TBC1D2: variants seen among roughly 807,000 people sequenced by gnomAD.
TBC1D2 encodes TBC1 domain family member 2, also known as TBC1 domain family member 2A.
In TBC1D2, 58 loss-of-function variants were observed where a neutral mutation model predicts 91.1. The ratio of observed to expected loss-of-function variants is 0.64; its 90% CI spans 0.52 to 0.79. The LOEUF is 0.79. Among genes scored for constraint, TBC1D2 ranks in the 30% least tolerant of loss-of-function variants. The pLI is 0.00. For missense variants in TBC1D2, 1,080 were observed against 1,208.3 expected, an observed-to-expected ratio of 0.89 and a Z score of 1.57; for synonymous variants, 482 against 511.5, an observed-to-expected ratio of 0.94 and a Z score of 0.78.
At chr9:98,244,234 T>G (rs558629227) in intron 2 of TBC1D2, 105 bp from the exon 3 acceptor site, 2 of 1,482,376 alleles carry the variant, frequency 1.3e-6, no homozygotes, top group Non-Finnish European at 1.8e-6. Context: ...CAGGCTGGAG[T>G]TGGAGAGTTG....
chr9:98,207,659 C>G (rs1250879668), intron 9 of TBC1D2, among the ~76,000 whole-genome samples: 6 of 152,232 alleles, frequency 3.9e-5, no homozygotes. Flanking sequence ...GCTGAGGTCT[C>G]CATTCTAACA....
Position 98,233,447 on chromosome 9 carries a change from C to T in TBC1D2, c.750G>A (p.Glu250=). The T allele has an allele frequency of 6.2e-7, 1 of 1,614,130 alleles. No individual in the cohort carries two copies. Among genetic ancestry groups the T allele is most frequent in the Non-Finnish European group, 8.5e-7 (1 of 1,179,984 alleles). The part of the protein sequence containing the change: ...SPQSGEPQRE[E]QPLASDASTP... ...TGCTGGCGTCAGAGGCCAAGGGCTG[C>T]TCCTCCCTCTGAGGCTCCCCACTCT... Residue 250 remains glutamate (E), a synonymous_variant, in exon 4 of 13, where the codon GAG becomes GAA. Transcript: ENST00000465784.
chr9:98,244,264 C>G (rs560841546), intron 2 of TBC1D2, 135 bp from the exon 3 acceptor site: 15 of 1,168,634 alleles, frequency 1.3e-5, no homozygotes, highest in Non-Finnish European at 1.8e-5. Context: ...GCAGGCCCTC[C>G]CTGTAGGTTA....
At chr9:98,246,786 G>A (rs1457319112) in intron 2 of TBC1D2, among the ~76,000 whole-genome samples, 2 of 152,082 alleles carry the variant, frequency 1.3e-5, no homozygotes, top group Non-Finnish European at 2.9e-5. Context: ...CAAGCATACA[G>A]GCAACAGTAA....
intron 5 of TBC1D2, among the ~76,000 whole-genome samples, chr9:98,226,092 G>A (rs899827261): frequency 2.0e-5 from 3 of 152,210 alleles, no homozygotes; most frequent in Non-Finnish European, 4.4e-5. Flanking sequence ...GCGGCATTCT[G>A]AGTGCCTGGG....
At chr9:98,238,553 C>A (rs990226605) in intron 3 of TBC1D2, among the ~76,000 whole-genome samples, 3 of 136,784 alleles carry the variant, frequency 2.2e-5, no homozygotes, top group Admixed American at 6.7e-5. Context: ...TTTTTCCTTC[C>A]CAATCTGGAT....
intron 3 of TBC1D2, chr9:98,235,256 T>TAGG (rs919646874): frequency 1.2e-4 from 36 of 312,960 alleles, no homozygotes; most frequent in South Asian, 3.9e-4. Context: ...TCGGAGCATG[T>TAGG]AGGAACTATA....
chr9:98,220,770 C>T, intron 6 of TBC1D2, 63 bp downstream of exon 6: 3 of 1,584,426 alleles, frequency 1.9e-6, no homozygotes, highest in Non-Finnish European at 2.6e-6. Flanking sequence ...GGAGAGCGCA[C>T]CTTCCCTGAG....
chr9:98,248,867 C>T (rs370247974), intron 2 of TBC1D2, among the ~76,000 whole-genome samples: 3 of 152,264 alleles, frequency 2.0e-5, no homozygotes, highest in South Asian at 4.1e-4. Flanking sequence ...CTTGGCTCTG[C>T]GGAGACCGTT....
Position 98,255,570 on chromosome 9 carries a change from G to C in TBC1D2, c.-29C>G, listed in dbSNP as rs1381550109. ...TGCCAGCCGGAGACTGCGGAGGGAC[G>C]AGGGGTCCGCGGGACCACCAGGGAC... On this transcript the variant is annotated 5_prime_UTR_variant, in exon 1 of 13. Transcript: ENST00000465784. 4.0e-6 allele frequency: 6 copies of C among 1,481,572 alleles called. No individual in the cohort carries two copies. The highest frequency in any genetic ancestry group is 5.4e-6 in the Non-Finnish European group (6 of 1,120,064). 91.8% of individuals were successfully genotyped at this position (1,481,572 alleles called of 1,614,324 possible). A position where few individuals can be genotyped will look rare whatever the true frequency, so the allele number is the denominator to read the frequency against.
At position 98,228,875 on chromosome 9, in the gene TBC1D2, C is replaced by T; in HGVS notation, c.978+77G>A. 7.0e-7 allele frequency: 1 copy of T among 1,429,458 alleles called. No individual in the cohort carries two copies. Among genetic ancestry groups the T allele is most frequent in the Non-Finnish European group, 9.6e-7 (1 of 1,038,150 alleles). The allele number at this position is 1,429,458 out of a possible 1,614,324, so 88.5% of individuals were successfully genotyped here. A position where few individuals can be genotyped will look rare whatever the true frequency, so the allele number is the denominator to read the frequency against. On this transcript the variant is annotated intron_variant, in intron 5 of 12. Transcript: ENST00000465784. The surrounding 1 kb of genome is among the most constrained non-coding windows in gnomAD (Gnocchi z 4.0). ...GGTGCCCAGCACGGCTAATGCGTCC[C>T]ATCTAGCTTATCCGAAAGGCTCCAG...
At chr9:98,236,782 C>A (rs944945537) in intron 3 of TBC1D2, among the ~76,000 whole-genome samples, 4 of 152,166 alleles carry the variant, frequency 2.6e-5, no homozygotes, top group African/African-American at 9.7e-5. Flanking sequence ...GGCACCAGAT[C>A]AATGTTGTTG....
intron 6 of TBC1D2, among the ~76,000 whole-genome samples, chr9:98,220,199 C>T (rs1829060848): frequency 6.6e-6 from 1 of 152,218 alleles, no homozygotes; most frequent in African/African-American, 2.4e-5. Flanking sequence ...TCCACTTCTT[C>T]AGCACATGAC....
chr9:98,250,052 C>A (rs1309719503), intron 2 of TBC1D2, among the ~76,000 whole-genome samples: 1 of 152,054 alleles, frequency 6.6e-6, no homozygotes, highest in Non-Finnish European at 1.5e-5. Flanking sequence ...ACAGGTCTCC[C>A]TTGAAGTGTT....
At chr9:98,252,093 C>T (rs1279641251) in intron 1 of TBC1D2, among the ~76,000 whole-genome samples, 167 bp from the exon 2 acceptor site, 2 of 152,168 alleles carry the variant, frequency 1.3e-5, no homozygotes, top group Non-Finnish European at 1.5e-5. Flanking sequence ...GATCATCAGG[C>T]TCTGGTCTCC....
At chr9:98,249,773 T>C (rs181750187) in intron 2 of TBC1D2, among the ~76,000 whole-genome samples, 65 of 152,360 alleles carry the variant, frequency 4.3e-4, no homozygotes, top group Admixed American at 1.2e-3. Context: ...CACAGACATA[T>C]AGACATAGAA....
intron 10 of TBC1D2, 103 bp from the exon 11 acceptor site, chr9:98,201,767 C>T: frequency 8.1e-7 from 1 of 1,232,094 alleles, no homozygotes; most frequent in Non-Finnish European, 1.1e-6. Flanking sequence ...AATCCTGAAG[C>T]TGCTCTGGGC....
chr9:98,254,417 G>C (rs1422144378), intron 1 of TBC1D2, among the ~76,000 whole-genome samples: 1 of 152,204 alleles, frequency 6.6e-6, no homozygotes, highest in Non-Finnish European at 1.5e-5. Context: ...ATTTGTACAT[G>C]CCTGTGATGT....
At chr9:98,253,344 G>A (rs759352489) in intron 1 of TBC1D2, among the ~76,000 whole-genome samples, 1 of 152,004 alleles carries the variant, frequency 6.6e-6, no homozygotes, top group Non-Finnish European at 1.5e-5. Flanking sequence ...CTACTATCCC[G>A]AGACACCTCC....
Sources: gnomAD v4.1 joint callset for allele counts (sites outside exome capture counted in the v4.1 genomes callset) on GRCh38, gnomAD v4.1.1 for gene constraint, Gnocchi (gnomAD v3.1) non-coding constraint, MANE v1.5 for transcripts, NCBI Gene and HGNC (gene_info 2026-07-23, HGNC 2026-07-21) for gene names.